The following ZNF638 variants were observed in gnomAD, a reference collection of about 807,000 sequenced individuals.
The protein encoded by ZNF638 is zinc finger protein 638.
A neutral mutation model predicts 195.6 loss-of-function variants in ZNF638; 46 were observed. The ratio of observed to expected loss-of-function variants is 0.24; its 90% confidence interval spans 0.19 to 0.30. The LOEUF is 0.30. ZNF638 is among the 10% of genes least tolerant of loss of function. The pLI is 1.00. For missense variants in ZNF638, 2,440 were observed against 2,325.3 expected (o/e 1.05, Z -1.01); for synonymous variants, 845 against 772.0 (o/e 1.09, Z -1.57).
rs78348194 is a variant in ZNF638, at chr2:71,417,672, T to C, written c.3262-930T>C. Among the ~76,000 whole-genome samples the C allele has an allele frequency of 8.2e-4, 125 of 152,244 alleles. 1 individual carries two copies. Among genetic ancestry groups the C allele is most frequent in the Middle Eastern group, 3.4e-3 (1 of 294 alleles). On this transcript the variant is annotated intron_variant, in intron 20 of 27. Transcript: ENST00000264447. ...GATACCATGCAGGGTTTTTTTTTTT[T>C]TCTCTCTAATAAACTTTTCTCCTTA...
intron 10 of ZNF638, among the ~76,000 whole-genome samples, chr2:71,391,873 C>A (rs898749427): frequency 6.6e-5 from 10 of 152,148 alleles, no homozygotes; most frequent in Admixed American, 4.6e-4. Context: ...TTCTCAGAGA[C>A]AACTAGATAG....
rs199912411 is a variant in ZNF638, at chr2:71,423,359, C to T, written c.3845C>T (p.Thr1282Met). The change falls in exon 22 of 28, where the codon ACG becomes ATG. Residue 1282 changes from threonine to methionine, a missense_variant. Thr to Met is a moderately conservative substitution (Grantham distance 81). Transcript: ENST00000264447. ...ATATTGCCATCAACTTGTATTGTGA[C>T]GTTAGTACCAGGAATTCCCACTGGG... ...SEILPSTCIV[T>M]LVPGIPTGDE... The T allele has an allele frequency of 4.3e-6, 7 of 1,613,478 alleles. No individual in the cohort carries two copies. The highest frequency in any genetic ancestry group is 4.5e-5 in the East Asian group (2 of 44,858).
chr2:71,346,061 G>A (rs2078845747), intron 1 of ZNF638, among the ~76,000 whole-genome samples: 1 of 152,180 alleles, frequency 6.6e-6, no homozygotes, highest in South Asian at 2.1e-4. Flanking sequence ...AATTTTAAAT[G>A]GAGATTGTTC....
chr2:71,354,740 AAAAAAG>A (rs1020164893), intron 2 of ZNF638, among the ~76,000 whole-genome samples: 1 of 152,044 alleles, frequency 6.6e-6, no homozygotes, highest in Non-Finnish European at 1.5e-5. Flanking sequence ...TGTCTCAAAA[AAAAAAG>A]AAAAGAAAAA....
At chr2:71,398,918 A>G in intron 12 of ZNF638, 146 bp downstream of exon 12, 1 of 706,250 alleles carries the variant, frequency 1.4e-6, no homozygotes, top group Non-Finnish European at 2.3e-6. Context: ...TTGGAATTTT[A>G]TCTTTGGCAG....
intron 10 of ZNF638, among the ~76,000 whole-genome samples, chr2:71,387,025 T>C (rs2079655760): frequency 6.6e-6 from 1 of 152,132 alleles, no homozygotes; most frequent in African/African-American, 2.4e-5. Context: ...ACCTTTTTTT[T>C]CTTTATACAC....
chr2:71,396,258 C>A, intron 11 of ZNF638, 67 bp downstream of exon 11: 1 of 1,300,568 alleles, frequency 7.7e-7, no homozygotes, highest in Non-Finnish European at 1.1e-6. Context: ...AATCGTATGG[C>A]AGTAGTAGTC....
intron 1 of ZNF638, among the ~76,000 whole-genome samples, chr2:71,342,916 T>C (rs1363307658): frequency 3.3e-5 from 5 of 152,192 alleles, no homozygotes; most frequent in South Asian, 2.1e-4. Context: ...GTCAGAAATA[T>C]GTAGTTAATA....
At chr2:71,397,342 G>A (rs562161636) in intron 11 of ZNF638, among the ~76,000 whole-genome samples, 1 of 152,174 alleles carries the variant, frequency 6.6e-6, no homozygotes, top group African/African-American at 2.4e-5. Context: ...CTGAGGCTCA[G>A]TTTACTGCAG....
chr2:71,339,967 A>C (rs2078737058), intron 1 of ZNF638, among the ~76,000 whole-genome samples: 1 of 152,216 alleles, frequency 6.6e-6, no homozygotes, highest in African/African-American at 2.4e-5. Flanking sequence ...CTAAGAAATA[A>C]AAAGGTATAT....
intron 21 of ZNF638, 46 bp downstream of exon 21, chr2:71,418,685 T>A: frequency 7.2e-7 from 1 of 1,387,204 alleles, no homozygotes; most frequent in Non-Finnish European, 9.8e-7. Context: ...GTATTTAGTT[T>A]CTGAATTTTA....
chr2:71,339,503 A>G (rs1186222342), intron 1 of ZNF638, among the ~76,000 whole-genome samples: 1 of 152,188 alleles, frequency 6.6e-6, no homozygotes, highest in Admixed American at 6.5e-5. Context: ...GTAAATGGAA[A>G]CATTTTTTGG....
rs749723166 is a variant in ZNF638 at position 71,386,100 on chromosome 2, A to T, written c.2377+5535A>T. Among the ~76,000 whole-genome samples the T allele has an allele frequency of 2.6e-5, 4 of 152,140 alleles. No homozygotes were observed. In the East Asian group the frequency reaches 7.7e-4, roughly 29 times the overall value. On this transcript the variant is annotated intron_variant, in intron 10 of 27. Transcript: ENST00000264447. ...CATCCATTTCTAGCATTTAAAAAAG[A>T]AATCTTAGCATGGGCATCATAGTGA...
intron 11 of ZNF638, among the ~76,000 whole-genome samples, chr2:71,396,450 G>A (rs938015904): frequency 6.6e-6 from 1 of 151,974 alleles, no homozygotes; most frequent in African/African-American, 2.4e-5. Context: ...TTTTATTGAG[G>A]TCTCTCTTCT....
At chr2:71,358,135 T>G (rs1276368796) in intron 3 of ZNF638, among the ~76,000 whole-genome samples, 1 of 152,218 alleles carries the variant, frequency 6.6e-6, no homozygotes, top group Non-Finnish European at 1.5e-5. Context: ...TCTCTGCTAC[T>G]GTCTTCACAC....
chr2:71,426,850 A>G lies in ZNF638; in HGVS notation c.4981A>G (p.Lys1661Glu). 1 of 1,614,042 alleles carries G rather than the reference A, an allele frequency of 6.2e-7. No homozygotes were observed. Among genetic ancestry groups the G allele is most frequent in the Non-Finnish European group, 8.5e-7 (1 of 1,179,916 alleles). ...QDDCISHSEP[K>E]DVTVLSVAEE... ...TGATTGCATTTCCCACAGTGAACCT[A>G]AAGATGTTACTGTTCTGTCAGTGGC... is the stretch of plus-strand genomic sequence containing the variant. The change falls in exon 24 of 28, where the codon AAA becomes GAA. Residue 1661 changes from lysine to glutamate, a missense_variant. By Grantham distance (56) the Lys-to-Glu change is moderately conservative. Around this residue, in one of 5 missense-constraint regions of ZNF638, gnomAD observed 1,883 missense variants for 1,739.1 expected, o/e 1.08. Transcript: ENST00000264447.
chr2:71,417,179 G>T (rs1162613360), intron 20 of ZNF638, among the ~76,000 whole-genome samples: 1 of 151,720 alleles, frequency 6.6e-6, no homozygotes, highest in Non-Finnish European at 1.5e-5. Flanking sequence ...TAGTCTCGTG[G>T]TGTGCCGTTT....
Position 71,433,262 on chromosome 2 carries a change from A to G in ZNF638, c.5850A>G (p.Thr1950=), listed in dbSNP as rs750760185. 5 of 1,613,320 alleles carry G rather than the reference A, an allele frequency of 3.1e-6. No individual in the cohort carries two copies. The Middle Eastern group carries it at 5.0e-4, about 160-fold the overall frequency. ...EKAMTNHCKS[T]RHKQNTEKFM... is the part of the protein sequence containing the mutation. Reference sequence around the variant, plus strand: ...CAATGACAAATCACTGCAAGAGTACACGTCATAAGCAAAATACTGAGGTAA... The same window carrying G: ...CAATGACAAATCACTGCAAGAGTACGCGTCATAAGCAAAATACTGAGGTAA... Residue 1950 remains threonine (T), a synonymous_variant, in exon 27 of 28, where the codon ACA becomes ACG. Transcript: ENST00000264447.
chr2:71,342,334 C>T (rs2078776109), intron 1 of ZNF638, among the ~76,000 whole-genome samples: 1 of 151,956 alleles, frequency 6.6e-6, no homozygotes, highest in African/African-American at 2.4e-5. Flanking sequence ...GCTTCCACAA[C>T]CAGTATTTTT....
Sources: gnomAD v4.1 joint callset for allele counts (sites outside exome capture counted in the v4.1 genomes callset) on GRCh38, gnomAD v4.1.1 for gene constraint, gnomAD v4.1.1 regional missense constraint, MANE v1.5 for transcripts, NCBI Gene and HGNC (gene_info 2026-07-23, HGNC 2026-07-21) for gene names.